MRPS25: variants seen among roughly 807,000 people sequenced by gnomAD.
MRPS25 encodes the protein small ribosomal subunit protein mS25.
In MRPS25, 15 loss-of-function variants were observed where a neutral mutation model predicts 17.3. The ratio of observed to expected loss-of-function variants is 0.87; its 90% CI spans 0.58 to 1.34. The LOEUF (loss-of-function observed/expected upper bound fraction) is 1.34, where lower values mean the gene tolerates loss of function less well. MRPS25 is among the 40% of genes most tolerant of loss of function. The pLI, the probability that MRPS25 is intolerant of heterozygous loss-of-function variation, is 0.00. For missense variants in MRPS25, 225 were observed against 218.6 expected (o/e 1.03, Z -0.19); for synonymous variants, 94 against 83.3 (o/e 1.13, Z -0.70).
Position 15,049,600 on chromosome 3 carries a change from GACA to G in MRPS25, c.*2838_*2840del. On this transcript the variant is annotated 3_prime_UTR_variant, in exon 4 of 4. Coordinates refer to ENST00000253686, the MANE Select transcript of MRPS25 (RefSeq NM_022497.5). The stretch of plus-strand genomic sequence containing the variant: ...GCTGGAACATTCAGATGCCATTACA[GACA>G]GGCCTTAAATTGGCAAGCTTATTCT... 1 of 460,936 alleles carries G rather than the reference GACA, an allele frequency of 2.2e-6. No individual in the cohort carries two copies. The highest frequency in any genetic ancestry group is 3.8e-6 in the Non-Finnish European group (1 of 263,744). 28.6% of individuals were successfully genotyped at this position (460,936 alleles called of 1,614,324 possible). A position where few individuals can be genotyped will look rare whatever the true frequency, so the allele number is the denominator to read the frequency against.
At chr3:15,045,989 G>C (rs970490223), downstream of MRPS25, 1 of 152,216 alleles carries the variant, frequency 6.6e-6, no homozygotes, top group Non-Finnish European at 1.5e-5. Context: ...AAATGGTGGA[G>C]ATCATTACAC....
At chr3:15,044,983 A>G (rs1441541622), downstream of MRPS25, 1 of 152,368 alleles carries the variant, frequency 6.6e-6, no homozygotes, top group East Asian at 1.9e-4. Context: ...GGGAGTGGCC[A>G]TTATAAAATG....
At chr3:15,053,572 T>C in intron 2 of MRPS25, 105 bp from the exon 3 acceptor site, 1 of 1,206,564 alleles carries the variant, frequency 8.3e-7, no homozygotes, top group Non-Finnish European at 1.2e-6. Flanking sequence ...AACATTTTAA[T>C]AATAAAATAG....
At chr3:15,043,039 G>C, downstream of MRPS25, 1 of 1,607,718 alleles carries the variant, frequency 6.2e-7, no homozygotes, top group South Asian at 1.1e-5. Context: ...AGGAGCAACA[G>C]AATCCTTCCA....
In MRPS25 at chr3:15,050,017, T is replaced by C; in HGVS notation, c.*2424A>G. On this transcript the variant is annotated 3_prime_UTR_variant, in exon 4 of 4. Transcript: ENST00000253686. The stretch of plus-strand genomic sequence containing the variant: ...AGTAAAATTAAGAACATGTTATCAA[T>C]TATAAAATCCTCACATTTTCTCTAA... The C allele has an allele frequency of 6.8e-7, 1 of 1,465,752 alleles. No homozygotes were observed. The highest frequency in any genetic ancestry group is 8.9e-7 in the Non-Finnish European group (1 of 1,123,918). The allele number at this position is 1,465,752 out of a possible 1,614,324, so 90.8% of individuals were successfully genotyped here.
downstream of MRPS25, chr3:15,048,198 G>A (rs2042524302): frequency 6.6e-6 from 1 of 152,654 alleles, no homozygotes; most frequent in African/African-American, 2.4e-5. Flanking sequence ...TTAGCCTTCA[G>A]CTTCCCTGTT....
intron 1 of MRPS25, among the ~76,000 whole-genome samples, chr3:15,061,949 C>T (rs1211183325): frequency 6.7e-6 from 1 of 150,170 alleles, no homozygotes; most frequent in South Asian, 2.1e-4. Flanking sequence ...GCAGCCGCCC[C>T]GTCTGAGAAG....
At chr3:15,062,681 G>C (rs1256432764) in intron 1 of MRPS25, among the ~76,000 whole-genome samples, 7 of 152,204 alleles carry the variant, frequency 4.6e-5, no homozygotes, top group African/African-American at 1.4e-4. Flanking sequence ...TGTCTGTGTG[G>C]AAAGAGGTAG....
At chr3:15,058,478 T>C (rs932994640) in intron 2 of MRPS25, among the ~76,000 whole-genome samples, 3 of 152,250 alleles carry the variant, frequency 2.0e-5, no homozygotes, top group African/African-American at 7.2e-5. Flanking sequence ...CGCAAGCCAC[T>C]GTGCTTGGCC....
downstream of MRPS25, chr3:15,043,155 A>C: frequency 1.6e-6 from 1 of 612,024 alleles, no homozygotes; most frequent in Non-Finnish European, 2.5e-6. Flanking sequence ...AATCCCAGAC[A>C]ATAGCAATTA....
chr3:15,056,209 T>C (rs569976372), intron 2 of MRPS25, among the ~76,000 whole-genome samples: 22 of 149,952 alleles, frequency 1.5e-4, no homozygotes, highest in Non-Finnish European at 2.5e-4. Context: ...AGCGAGACTC[T>C]GTCTCAAAAA....
At chr3:15,047,908 C>T (rs2042512460), downstream of MRPS25, 1 of 152,326 alleles carries the variant, frequency 6.6e-6, no homozygotes, top group Admixed American at 6.5e-5. Context: ...TTAAAAGCTA[C>T]AGATACCAAA....
In MRPS25 at chr3:15,052,480, C is replaced by G. The variant is rs780426648; in HGVS notation, c.483G>C (p.Gly161=). 6.2e-7 allele frequency: 1 copy of G among 1,614,150 alleles called. No homozygotes were observed. Among genetic ancestry groups the G allele is most frequent in the Non-Finnish European group, 8.5e-7 (1 of 1,179,988 alleles). ...SLVPLPKEMR[G]KYKAALKADA... ...CGGCTTTCAGAGCGGCTTTGTACTT[C>G]CCCCTCATCTCCTTGGGTAATGGCA... is the stretch of plus-strand genomic sequence containing the variant. Residue 161 remains glycine, a synonymous_variant, in exon 4 of 4, where the codon GGG becomes GGC. Transcript: ENST00000253686.
At chr3:15,062,590 G>A (rs1237477419) in intron 1 of MRPS25, among the ~76,000 whole-genome samples, 14 of 152,128 alleles carry the variant, frequency 9.2e-5, no homozygotes, top group East Asian at 5.9e-4. Context: ...CATTGAGAAC[G>A]GGCCATGATG....
At chr3:15,058,948 G>A (rs192486864) in intron 2 of MRPS25, among the ~76,000 whole-genome samples, 2 of 152,066 alleles carry the variant, frequency 1.3e-5, no homozygotes, top group Admixed American at 1.3e-4. Context: ...GGGTTCTGGG[G>A]GCATGTGGGA....
intron 3 of MRPS25, 82 bp downstream of exon 3, chr3:15,053,298 C>CA: frequency 4.4e-6 from 7 of 1,596,046 alleles, no homozygotes; most frequent in Non-Finnish European, 6.0e-6. Context: ...TACCTCTCAA[C>CA]ACCCTTCCCA....
At chr3:15,064,548 T>G (rs1245676776) in intron 1 of MRPS25, among the ~76,000 whole-genome samples, 4 of 152,318 alleles carry the variant, frequency 2.6e-5, no homozygotes, top group East Asian at 1.9e-4. Context: ...CTCTGTGCGC[T>G]TCCCCAGCCT....
intron 1 of MRPS25, among the ~76,000 whole-genome samples, chr3:15,062,402 T>C (rs1252062675): frequency 2.2e-5 from 1 of 44,790 alleles, no homozygotes; most frequent in Admixed American, 2.5e-4. Flanking sequence ...AGGTGGGGGG[T>C]CAGCCCCCCG....
At chr3:15,055,386 G>A (rs1187325510) in intron 2 of MRPS25, among the ~76,000 whole-genome samples, 3 of 152,166 alleles carry the variant, frequency 2.0e-5, no homozygotes, top group Non-Finnish European at 4.4e-5. Flanking sequence ...AGATCTCAAT[G>A]AGTCACTAGG....
Sources: gnomAD v4.1 joint callset for allele counts (sites outside exome capture counted in the v4.1 genomes callset) on GRCh38, gnomAD v4.1.1 for gene constraint, MANE v1.5 for transcripts, NCBI Gene and HGNC (gene_info 2026-07-23, HGNC 2026-07-21) for gene names.